The following IQSEC1 variants were observed in gnomAD, a reference collection of about 807,000 sequenced individuals.
IQSEC1 encodes the protein IQ motif and Sec7 domain ArfGEF 1.
A neutral mutation model predicts 91.0 loss-of-function variants in IQSEC1; 31 were observed. The observed-to-expected ratio is 0.34, with a 90% CI of 0.26 to 0.46. The LOEUF (loss-of-function observed/expected upper bound fraction) is 0.46, where lower values mean the gene tolerates loss of function less well. IQSEC1 is among the 20% of genes least tolerant of loss of function. The pLI, the probability that IQSEC1 is intolerant of heterozygous loss-of-function variation, is 1.00. For missense variants in IQSEC1, 1,388 were observed against 1,575.6 expected (o/e 0.88, Z 2.02); for synonymous variants, 699 against 662.6 (o/e 1.05, Z -0.84).
chr3:13,239,332 C>A (rs1215159629), intron 1 of IQSEC1, among the ~76,000 whole-genome samples: 1 of 152,246 alleles, frequency 6.6e-6, no homozygotes, highest in Non-Finnish European at 1.5e-5. Context: ...GCCCCTGCCT[C>A]CTGGCCTGGC....
At chr3:13,082,613 G>A (rs1305378629) in intron 2 of IQSEC1, among the ~76,000 whole-genome samples, 2 of 152,216 alleles carry the variant, frequency 1.3e-5, no homozygotes, top group African/African-American at 4.8e-5. Context: ...CTCCTTGCAA[G>A]TTTGGCTGCC....
At chr3:12,920,143 T>C (rs1696485201) in intron 6 of IQSEC1, among the ~76,000 whole-genome samples, 1 of 152,226 alleles carries the variant, frequency 6.6e-6, no homozygotes, top group African/African-American at 2.4e-5. Context: ...GCCAGTTTCA[T>C]CCTTCAAGGA....
At chr3:12,968,105 CAA>C (rs1317093203) in intron 1 of IQSEC1, among the ~76,000 whole-genome samples, 1 of 152,230 alleles carries the variant, frequency 6.6e-6, no homozygotes, top group Non-Finnish European at 1.5e-5. Context: ...GTAACCACAA[CAA>C]ATGCACAGCG....
chr3:13,053,016 C>T, intron 1 of IQSEC1: 1 of 1,183,628 alleles, frequency 8.4e-7, no homozygotes, highest in Non-Finnish European at 1.3e-6. Context: ...GGAGTTGTGC[C>T]TGATTTTATT....
chr3:13,222,403 T>C (rs537833779), intron 1 of IQSEC1, among the ~76,000 whole-genome samples: 22 of 152,318 alleles, frequency 1.4e-4, no homozygotes, highest in African/African-American at 4.8e-4. Context: ...CCTTTGGCTA[T>C]TGTGAGTAAT....
chr3:12,987,555 A>T (rs955902683), intron 1 of IQSEC1, among the ~76,000 whole-genome samples: 10 of 152,274 alleles, frequency 6.6e-5, no homozygotes, highest in African/African-American at 2.4e-4. Flanking sequence ...TGAGTTTCTC[A>T]AAACACGAAA....
intron 1 of IQSEC1, among the ~76,000 whole-genome samples, chr3:12,996,011 C>G (rs1024656379): frequency 2.6e-5 from 4 of 152,160 alleles, no homozygotes; most frequent in Admixed American, 2.6e-4. Flanking sequence ...GAGACTCCAT[C>G]TCAAAAATAA....
intron 1 of IQSEC1, among the ~76,000 whole-genome samples, chr3:13,062,991 C>T (rs360756): frequency 0.49 from 74,190 of 152,124 alleles, 18,472 homozygotes; most frequent in East Asian, 0.67. Context: ...GGCAAGGTCA[C>T]GCCATGGGAT....
intron 1 of IQSEC1, among the ~76,000 whole-genome samples, chr3:13,025,737 C>T (rs1338894009): frequency 6.6e-6 from 1 of 152,238 alleles, no homozygotes. Context: ...GCCTGGGGAA[C>T]TGCAGGTGAC....
At chr3:13,124,747 T>G (rs764039041) in intron 2 of IQSEC1, among the ~76,000 whole-genome samples, 20 of 145,464 alleles carry the variant, frequency 1.4e-4, no homozygotes, top group Admixed American at 2.7e-4. Context: ...GCGATGCTCT[T>G]GGGCAAACGT....
intron 1 of IQSEC1, among the ~76,000 whole-genome samples, chr3:12,995,736 T>C (rs1400212574): frequency 9.2e-5 from 14 of 152,250 alleles, no homozygotes; most frequent in African/African-American, 3.4e-4. Flanking sequence ...TGGGTCTTCC[T>C]GCCTCGTGGC....
intron 1 of IQSEC1, among the ~76,000 whole-genome samples, chr3:13,032,210 C>T (rs1026244294): frequency 2.0e-4 from 30 of 152,208 alleles, no homozygotes; most frequent in African/African-American, 7.2e-4. Flanking sequence ...CTGGCATAAT[C>T]ACGGTTCCAC....
intron 2 of IQSEC1, among the ~76,000 whole-genome samples, chr3:13,127,305 T>C (rs2124906980): frequency 6.6e-6 from 1 of 152,232 alleles, no homozygotes; most frequent in South Asian, 2.1e-4. Context: ...TCCCAGCTAC[T>C]TGGGAGGCTG....
intron 1 of IQSEC1, among the ~76,000 whole-genome samples, chr3:13,235,952 C>T (rs1029651550): frequency 4.6e-5 from 7 of 152,202 alleles, no homozygotes; most frequent in Non-Finnish European, 7.4e-5. Flanking sequence ...GTTCCTGGTC[C>T]TGTCGCCTTG....
chr3:13,095,221 C>T (rs1441470228), intron 2 of IQSEC1, among the ~76,000 whole-genome samples: 1 of 151,226 alleles, frequency 6.6e-6, no homozygotes, highest in Non-Finnish European at 1.5e-5. Context: ...CTGGCATGGT[C>T]CCCGTCGTTC....
At chr3:13,025,353 G>A (rs1703573154) in intron 1 of IQSEC1, among the ~76,000 whole-genome samples, 1 of 152,252 alleles carries the variant, frequency 6.6e-6, no homozygotes, top group Admixed American at 6.5e-5. Context: ...CCAGGCAAAG[G>A]GAAGGACACA....
At chr3:12,951,857 C>T (rs1289636318) in intron 1 of IQSEC1, among the ~76,000 whole-genome samples, 1 of 152,134 alleles carries the variant, frequency 6.6e-6, no homozygotes, top group Non-Finnish European at 1.5e-5. Flanking sequence ...CGAGTGAGCC[C>T]TGGAGGAGCA....
chr3:13,056,382 T>C (rs1229317081), intron 1 of IQSEC1, among the ~76,000 whole-genome samples: 1 of 151,118 alleles, frequency 6.6e-6, no homozygotes, highest in South Asian at 2.1e-4. Context: ...CCCTCTAGAG[T>C]CCACCTGGCC....
At chr3:13,206,752 G>A (rs534864115) in intron 1 of IQSEC1, among the ~76,000 whole-genome samples, 133 of 152,288 alleles carry the variant, frequency 8.7e-4, no homozygotes, top group African/African-American at 2.9e-3. Flanking sequence ...ATGGGGAGAC[G>A]CAGCTTACAG....
Sources: gnomAD v4.1 joint callset for allele counts (sites outside exome capture counted in the v4.1 genomes callset) on GRCh38, gnomAD v4.1.1 for gene constraint, MANE v1.5 for transcripts, NCBI Gene and HGNC (gene_info 2026-07-23, HGNC 2026-07-21) for gene names.